Variants in RPS6KC1 observed in about 807,000 individuals in gnomAD.
RPS6KC1 encodes the protein ribosomal protein S6 kinase C1, also known as inactive ribosomal protein S6 kinase delta-1.
In RPS6KC1, 54 loss-of-function variants were observed where a neutral mutation model predicts 103.8. That is an observed-to-expected ratio of 0.52 (90% CI 0.42 to 0.65). The LOEUF is 0.65. Ranked by LOEUF, RPS6KC1 falls within the 30% of genes least tolerant of loss-of-function variation. The probability of loss-of-function intolerance (pLI) is 0.00; values close to 1 mark genes in which losing one functional copy is unlikely to be tolerated. For missense variants in RPS6KC1, 1,151 were observed against 1,253.8 expected (o/e 0.92, Z 1.24); for synonymous variants, 439 against 438.7 (o/e 1.00, Z -0.01).
the RPS6KC1 span, among the ~76,000 whole-genome samples, chr1:213,291,330 G>A: frequency 6.6e-6 from 1 of 152,138 alleles, no homozygotes; most frequent in Non-Finnish European, 1.5e-5. Flanking sequence ...GCCCCTCTCT[G>A]CAAGAGGATG....
At chr1:213,630,118 T>G in the RPS6KC1 span, among the ~76,000 whole-genome samples, 1 of 152,230 alleles carries the variant, frequency 6.6e-6, no homozygotes, top group South Asian at 2.1e-4. Flanking sequence ...TTCCTGAATT[T>G]GAATATTGGT....
chr1:213,797,754 C>A, the RPS6KC1 span, among the ~76,000 whole-genome samples: 1 of 152,172 alleles, frequency 6.6e-6, no homozygotes, highest in Non-Finnish European at 1.5e-5. Context: ...AAGAAAAATA[C>A]AAAATCTTCT....
Position 213,242,224 on chromosome 1 carries a change from C to T in RPS6KC1, c.2748C>T (p.Ala916=). The T allele has an allele frequency of 6.2e-7, 1 of 1,613,908 alleles. No individual in the cohort carries two copies. The highest frequency in any genetic ancestry group is 8.5e-7 in the Non-Finnish European group (1 of 1,179,886). Residue 916 remains alanine, a synonymous_variant, in exon 11 of 15, where the codon GCC becomes GCT. Coordinates refer to ENST00000366960, the MANE Select transcript of RPS6KC1 (RefSeq NM_012424.6). The part of the protein sequence containing the change: ...IQRWAAEMVV[A]LDALHREGIV... The stretch of plus-strand genomic sequence containing the variant: ...GATGGGCAGCTGAAATGGTGGTAGC[C>T]CTTGATGCTTTACATAGAGAGGGAA...
chr1:213,053,654 A>G (rs866099311), intron 1 of RPS6KC1, among the ~76,000 whole-genome samples: 2 of 152,204 alleles, frequency 1.3e-5, no homozygotes, highest in South Asian at 4.1e-4. Flanking sequence ...ATATGTACCA[A>G]TCAAGATAGT....
At chr1:213,359,599 A>G in the RPS6KC1 span, among the ~76,000 whole-genome samples, 4 of 152,036 alleles carry the variant, frequency 2.6e-5, no homozygotes, top group Non-Finnish European at 5.9e-5. Flanking sequence ...TCCTGTCATT[A>G]TGATGTTAGC....
chr1:213,354,493 T>C, the RPS6KC1 span, among the ~76,000 whole-genome samples: 1 of 152,342 alleles, frequency 6.6e-6, no homozygotes, highest in Admixed American at 6.5e-5. Flanking sequence ...AAGTGAACAC[T>C]AAGGGCCATT....
At chr1:213,740,704 A>AGATATATGTACACATATATACC in the RPS6KC1 span, among the ~76,000 whole-genome samples, 2 of 82,568 alleles carry the variant, frequency 2.4e-5, no homozygotes, top group African/African-American at 9.2e-5. Flanking sequence ...ACATATATAC[A>AGATATATGTACACATATATACC]TCTCAGATAT....
At chr1:213,567,198 T>G in the RPS6KC1 span, among the ~76,000 whole-genome samples, 4 of 152,194 alleles carry the variant, frequency 2.6e-5, no homozygotes, top group Non-Finnish European at 2.9e-5. Context: ...AGGAGACTAT[T>G]TTTTTCCCCT....
Position 213,272,730 on chromosome 1 carries a change from C to A in RPS6KC1, c.*96C>A. The stretch of plus-strand genomic sequence containing the variant: ...CTGACTCACAGTTACTTATGGAGCA[C>A]CAAAGCATTTGGATAAAGACCGTTA... On this transcript the variant is annotated 3_prime_UTR_variant, in exon 15 of 15. Coordinates refer to ENST00000366960, the MANE Select transcript of RPS6KC1 (RefSeq NM_012424.6). The A allele has an allele frequency of 3.5e-6, 3 of 849,252 alleles. No homozygotes were observed. Among genetic ancestry groups the A allele is most frequent in the South Asian group, 1.5e-5 (1 of 67,876 alleles). The allele number at this position is 849,252 out of a possible 1,614,324, so 52.6% of individuals were successfully genotyped here.
chr1:213,783,840 AAATCCAAACCAC>A, the RPS6KC1 span, among the ~76,000 whole-genome samples: 1 of 149,000 alleles, frequency 6.7e-6, no homozygotes, highest in Non-Finnish European at 1.5e-5. Context: ...AAAAAAAAAA[AAATCCAAACCAC>A]ACAAATAAGA....
At chr1:213,729,209 G>T in the RPS6KC1 span, among the ~76,000 whole-genome samples, 5 of 152,030 alleles carry the variant, frequency 3.3e-5, no homozygotes, top group African/African-American at 1.2e-4. Flanking sequence ...CAGCATGACG[G>T]TAGACTTTTC....
chr1:213,710,946 A>G, the RPS6KC1 span, among the ~76,000 whole-genome samples: 1 of 152,110 alleles, frequency 6.6e-6, no homozygotes, highest in Non-Finnish European at 1.5e-5. Context: ...GCTGCCCTTA[A>G]CATTTTTTCC....
At chr1:213,762,619 C>G in the RPS6KC1 span, among the ~76,000 whole-genome samples, 1 of 152,132 alleles carries the variant, frequency 6.6e-6, no homozygotes, top group Admixed American at 6.5e-5. Flanking sequence ...GATGGTCACT[C>G]TCAAGAGATT....
intron 6 of RPS6KC1, among the ~76,000 whole-genome samples, chr1:213,160,688 A>G (rs1033562324): frequency 6.6e-6 from 1 of 151,698 alleles, no homozygotes. Flanking sequence ...GGATGAGTTC[A>G]TGTCCTTTGT....
chr1:213,679,356 A>T, the RPS6KC1 span, among the ~76,000 whole-genome samples: 3 of 152,228 alleles, frequency 2.0e-5, no homozygotes, highest in Admixed American at 6.5e-5. Flanking sequence ...ACAGATAGTT[A>T]TTGAATGCTT....
At chr1:213,256,554 A>G (rs1247635520) in intron 12 of RPS6KC1, among the ~76,000 whole-genome samples, 1 of 152,072 alleles carries the variant, frequency 6.6e-6, no homozygotes, top group African/African-American at 2.4e-5. Context: ...AAAAGTCGCA[A>G]AAAAAATCTC....
chr1:213,576,334 GTA>G, the RPS6KC1 span, among the ~76,000 whole-genome samples: 1 of 149,900 alleles, frequency 6.7e-6, no homozygotes, highest in South Asian at 2.1e-4. Context: ...TAAAATGCAG[GTA>G]TACCTTGCAT....
At chr1:213,804,188 A>AAC in the RPS6KC1 span, among the ~76,000 whole-genome samples, 52 of 150,384 alleles carry the variant, frequency 3.5e-4, 1 homozygote, top group African/African-American at 1.1e-3. Flanking sequence ...AAAAAAAAAA[A>AAC]AAAAAAAAAA....
chr1:213,808,764 C>T, the RPS6KC1 span, among the ~76,000 whole-genome samples: 724 of 152,368 alleles, frequency 4.8e-3, 8 homozygotes, highest in African/African-American at 0.017. Flanking sequence ...TGCTTCGGCT[C>T]GCACACGGTG....
Sources: gnomAD v4.1 joint callset for allele counts (sites outside exome capture counted in the v4.1 genomes callset) on GRCh38, gnomAD v4.1.1 for gene constraint, MANE v1.5 for transcripts, NCBI Gene and HGNC (gene_info 2026-07-23, HGNC 2026-07-21) for gene names.